Variants in IZUMO4 observed in about 807,000 individuals in gnomAD.
The protein encoded by IZUMO4 is izumo sperm-egg fusion protein 4.
Under a neutral mutation model 37.1 loss-of-function variants are expected in IZUMO4, and 51 were observed. The observed-to-expected ratio is 1.38, with a 90% CI of 1.10 to 1.74. The LOEUF (loss-of-function observed/expected upper bound fraction) is 1.74, where lower values mean the gene tolerates loss of function less well. Among genes scored for constraint, IZUMO4 ranks in the 40% most tolerant of loss-of-function variants. The pLI, the probability that IZUMO4 is intolerant of heterozygous loss-of-function variation, is 0.00. For synonymous variants in IZUMO4, 162 were observed against 121.4 expected (o/e 1.33, Z -2.20); for missense variants, 364 against 299.6 (o/e 1.21, Z -1.59).
In IZUMO4 at chr19:2,099,047, G is replaced by C. The variant is rs774526419; in HGVS notation, c.608+18G>C. On this transcript the variant is annotated intron_variant, in intron 9 of 9. Coordinates refer to ENST00000395301, the MANE Select transcript of IZUMO4 (RefSeq NM_001039846.2). ...CCGGCCTTGTGAGTGACCCAGAGAA[G>C]GGAGGCCTCGGGAGAAGGGGTGCTC... The C allele has an allele frequency of 1.2e-6, 2 of 1,609,960 alleles. No homozygotes were observed. The highest frequency in any genetic ancestry group is 1.7e-6 in the Non-Finnish European group (2 of 1,177,200).
chr19:2,098,826 C>T (rs767183188), intron 8 of IZUMO4, 22 bp downstream of exon 8: 4 of 1,585,112 alleles, frequency 2.5e-6, no homozygotes, highest in African/African-American at 1.4e-5. Context: ...CTGACCTGGA[C>T]TTCAGGGGGA....
Position 2,096,977 on chromosome 19 carries a change from C to G in IZUMO4, c.32C>G (p.Thr11Arg). The change falls in exon 1 of 10, where the codon ACG becomes AGG. Residue 11 changes from threonine to arginine, a missense_variant. Physicochemically the swap from Thr to Arg is moderately conservative, Grantham distance 71 (BLOSUM62 -1). Transcript: ENST00000395301. MALLLCLVCL[T>R]AALAHGCLHC... The stretch of plus-strand genomic sequence containing the variant: ...CTGCTGCTGTGCCTGGTGTGCCTGA[C>G]GGCGGCGCTGGCCCACGGCTGTCTG... The G allele has an allele frequency of 6.2e-7, 1 of 1,608,578 alleles. No individual in the cohort carries two copies. The highest frequency in any genetic ancestry group is 8.5e-7 in the Non-Finnish European group (1 of 1,179,722).
chr19:2,099,086 A>G (rs1315730196), intron 9 of IZUMO4, 57 bp downstream of exon 9: 5 of 1,535,574 alleles, frequency 3.3e-6, no homozygotes, highest in Non-Finnish European at 4.5e-6. Context: ...AGCCAACACC[A>G]GCGTGCCGCG....
Position 2,098,980 on chromosome 19 carries a change from C to G in IZUMO4, c.559C>G (p.Arg187Gly). 6.2e-7 allele frequency: 1 copy of G among 1,613,126 alleles called. No individual in the cohort carries two copies. The highest frequency in any genetic ancestry group is 8.5e-7 in the Non-Finnish European group (1 of 1,179,942). ...WHKQDTSMRPRSSAFSWPGTH... is the reference protein window; with the variant it reads ...WHKQDTSMRPGSSAFSWPGTH... ...ATGTGGTGGTTTCATGAACAGACCA[C>G]GCTCCTCTGCCTTCTCCTGGCCTGG... Residue 187 changes from arginine (R) to glycine (G), a missense_variant, in exon 9 of 10, where the codon CGC becomes GGC. Coordinates refer to ENST00000395301, the MANE Select transcript of IZUMO4 (RefSeq NM_001039846.2).
In IZUMO4 at chr19:2,097,921, TC is replaced by T; in HGVS notation, c.371-5del. The T allele has an allele frequency of 6.2e-7, 1 of 1,612,878 alleles. No individual in the cohort carries two copies. Among genetic ancestry groups the T allele is most frequent in the Non-Finnish European group, 8.5e-7 (1 of 1,179,908 alleles). On this transcript the variant is annotated splice_polypyrimidine_tract_variant and splice_region_variant and intron_variant, in intron 3 of 9. Transcript: ENST00000395301. ...CTGGTAAGATGGCGCTGTCCTGCCC[TC>T]CCACAGGCCGCATCGACTGTCAGCA... is the stretch of plus-strand genomic sequence containing the variant.
At chr19:2,098,947 C>T (rs371122186) in intron 8 of IZUMO4, 29 bp from the exon 9 acceptor site, 2 of 1,612,096 alleles carry the variant, frequency 1.2e-6, no homozygotes, top group Non-Finnish European at 1.7e-6. Flanking sequence ...ACCTCTGCAA[C>T]CACACCCATG....
intron 9 of IZUMO4, 98 bp downstream of exon 9, chr19:2,099,127 G>C (rs547144844): frequency 1.1e-5 from 16 of 1,398,764 alleles, no homozygotes; most frequent in Middle Eastern, 1.8e-4. Flanking sequence ...TCCCAGGCAC[G>C]AGGGTGTCGT....
Position 2,098,305 on chromosome 19 carries a change from G to A in IZUMO4, c.492G>A (p.Lys164=). The A allele has an allele frequency of 6.2e-7, 1 of 1,613,954 alleles. No individual in the cohort carries two copies. The highest frequency in any genetic ancestry group is 8.5e-7 in the Non-Finnish European group (1 of 1,180,032). ...GYNCESSAQW[K]SAVQGLLNYI... is the part of the protein sequence containing the mutation. ...CCCACAGGTCCTCGGCGCAGTGGAAGTCAGCTGTCCAGGGCCTCCTGAACT... is the reference window on the plus strand; with the variant it reads ...CCCACAGGTCCTCGGCGCAGTGGAAATCAGCTGTCCAGGGCCTCCTGAACT... The change falls in exon 6 of 10, where the codon AAG becomes AAA. Residue 164 remains lysine (K), a synonymous_variant. Coordinates refer to ENST00000395301, the MANE Select transcript of IZUMO4 (RefSeq NM_001039846.2).
Position 2,099,243 on chromosome 19 carries a change from G to T in IZUMO4, c.609-12G>T, listed in dbSNP as rs367630522. 1 of 1,610,312 alleles carries T rather than the reference G, an allele frequency of 6.2e-7. No homozygotes were observed. The highest frequency in any genetic ancestry group is 8.5e-7 in the Non-Finnish European group (1 of 1,177,232). ...GGACATGGAGAGCTGAGGCAGCCTC[G>T]TCTCCCCGCAGCCTGGTATCGCCAG... is the stretch of plus-strand genomic sequence containing the variant. On this transcript the variant is annotated splice_polypyrimidine_tract_variant and intron_variant, in intron 9 of 9. Coordinates refer to ENST00000395301, the MANE Select transcript of IZUMO4 (RefSeq NM_001039846.2).
Position 2,098,061 on chromosome 19 carries a change from A to G in IZUMO4, c.407A>G (p.Gln136Arg), listed in dbSNP as rs1248829508. Residue 136 changes from glutamine to arginine, a missense_variant, in exon 5 of 10, where the codon CAG becomes CGG. By Grantham distance (43) the Gln-to-Arg change is conservative. Transcript: ENST00000395301. The stretch of plus-strand genomic sequence containing the variant: ...CTTGTACGTGTTTCAGGCATCTTCC[A>G]GTACGAGACCATCTCCTGCAACAAC... ...IDCQHRCGIF[Q>R]YETISCNNCT... 2.5e-6 allele frequency: 4 copies of G among 1,613,398 alleles called. No homozygotes were observed. Among genetic ancestry groups the G allele is most frequent in the Non-Finnish European group, 3.4e-6 (4 of 1,179,980 alleles).
chr19:2,098,149 C>G lies in IZUMO4; in HGVS notation c.473+22C>G, dbSNP rs765274246. 8 of 1,612,628 alleles carry G rather than the reference C, an allele frequency of 5.0e-6. No homozygotes were observed. The Admixed American group carries it at 8.3e-5, about 17-fold the overall frequency. On this transcript the variant is annotated intron_variant, in intron 5 of 9. Transcript: ENST00000395301. ...GCGAGTAGGGCTCAGGCATCACACC[C>G]ACCCGTGCCAGGGCCCTACTGTCCC...
intron 3 of IZUMO4, 122 bp downstream of exon 3, chr19:2,097,617 C>A (rs1399669881): frequency 2.2e-6 from 2 of 921,892 alleles, no homozygotes; most frequent in South Asian, 1.4e-5. Flanking sequence ...GGGAGGAGGG[C>A]AGCTCTCCAG....
chr19:2,099,073 G>A (rs769863194), intron 9 of IZUMO4, 44 bp downstream of exon 9: 185 of 1,572,944 alleles, frequency 1.2e-4, no homozygotes, highest in East Asian at 6.5e-4. Flanking sequence ...AGGGGTGCTC[G>A]TAAGCCAACA....
rs756955222 is a variant in IZUMO4 at position 2,098,451 on chromosome 19, G to A, written c.536+1G>A. 6.5e-5 allele frequency: 105 copies of A among 1,613,910 alleles called. 2 individuals are homozygous for A. The South Asian group carries it at 1.1e-3, about 17-fold the overall frequency. On this transcript the variant is annotated splice_donor_variant, in intron 7 of 9. Transcript: ENST00000395301. LOFTEE classifies it high-confidence loss of function. ...GTCTTTGTAGAAATAACTGGCACAAGTAAGTCCCCTCCTCAAACCAACACA... is the reference window on the plus strand; with the variant it reads ...GTCTTTGTAGAAATAACTGGCACAAATAAGTCCCCTCCTCAAACCAACACA...
chr19:2,097,034 CCTT>C lies in IZUMO4; in HGVS notation c.92_94del (p.Phe31del), dbSNP rs772581359. 5 of 1,612,498 alleles carry C rather than the reference CCTT, an allele frequency of 3.1e-6. No individual in the cohort carries two copies. Among genetic ancestry groups the C allele is most frequent in the African/African-American group, 2.7e-5 (2 of 75,050 alleles). The stretch of plus-strand genomic sequence containing the variant: ...CACAGCAACTTCTCCAAGAAGTTCT[CCTT>C]CTACCGCCACCATGTGAACTTCAAG... On this transcript the variant is annotated inframe_deletion, in exon 1 of 10. Coordinates refer to ENST00000395301, the MANE Select transcript of IZUMO4 (RefSeq NM_001039846.2).
intron 5 of IZUMO4, 34 bp downstream of exon 5, chr19:2,098,161 G>C (rs1203456043): frequency 2.5e-6 from 4 of 1,612,236 alleles, no homozygotes; most frequent in Non-Finnish European, 3.4e-6. Context: ...CCCGTGCCAG[G>C]GCCCTACTGT....
At chr19:2,097,865 G>C in intron 3 of IZUMO4, 64 bp from the exon 4 acceptor site, 1 of 1,598,136 alleles carries the variant, frequency 6.3e-7, no homozygotes, top group African/African-American at 1.3e-5. Flanking sequence ...TGGAGGGTTG[G>C]GAGGAGGCAG....
rs1285638549 is a variant in IZUMO4, at chr19:2,097,107, C to T, written c.162C>T (p.Thr54=). The change falls in exon 1 of 10, where the codon ACC becomes ACT. Residue 54 remains threonine (T), a synonymous_variant. Transcript: ENST00000395301. ...GDIPVSGALL[T]DWSDDTMKEL... is the part of the protein sequence containing the mutation. ...TCCCCGTGTCAGGGGCGCTGCTCACCGACTGGAGCGACGACACGATGAAGG... is the reference window on the plus strand; with the variant it reads ...TCCCCGTGTCAGGGGCGCTGCTCACTGACTGGAGCGACGACACGATGAAGG... 3.7e-6 allele frequency: 6 copies of T among 1,612,624 alleles called. No individual in the cohort carries two copies. Among genetic ancestry groups the T allele is most frequent in the Non-Finnish European group, 5.1e-6 (6 of 1,179,878 alleles).
chr19:2,097,857 G>A (rs1278120337), intron 3 of IZUMO4, 72 bp from the exon 4 acceptor site: 45 of 1,582,990 alleles, frequency 2.8e-5, no homozygotes, highest in Non-Finnish European at 3.7e-5. Context: ...TGAGGCTTTG[G>A]AGGGTTGGGA....
Sources: gnomAD v4.1 joint callset for allele counts on GRCh38, gnomAD v4.1.1 for gene constraint, MANE v1.5 for transcripts, NCBI Gene and HGNC (gene_info 2026-07-23, HGNC 2026-07-21) for gene names.